PREX1: variants seen among roughly 807,000 people sequenced by gnomAD.
PREX1 encodes phosphatidylinositol 3,4,5-trisphosphate-dependent Rac exchanger 1 protein.
In PREX1, 41 loss-of-function variants were observed where a neutral mutation model predicts 198.3. That is an observed-to-expected ratio of 0.21 (90% CI 0.16 to 0.27). The LOEUF is 0.27. Among genes scored for constraint, PREX1 ranks in the 10% least tolerant of loss-of-function variants. PREX1 has a pLI of 1.00. For missense variants in PREX1, 1,620 were observed against 2,200.7 expected (o/e 0.74, Z 5.28); for synonymous variants, 843 against 887.2 (o/e 0.95, Z 0.89).
chr20:48,672,658 C>T (rs2089683737), intron 14 of PREX1, among the ~76,000 whole-genome samples: 3 of 152,358 alleles, frequency 2.0e-5, no homozygotes, highest in South Asian at 4.1e-4. Flanking sequence ...ATACCTGGCT[C>T]GCTCTGCCTA....
chr20:48,706,628 C>T (rs1038376289), intron 6 of PREX1, among the ~76,000 whole-genome samples: 7 of 152,154 alleles, frequency 4.6e-5, no homozygotes, highest in East Asian at 1.9e-4. Flanking sequence ...CTGGAGCTGC[C>T]GCCTTCATGG....
upstream of PREX1, among the ~76,000 whole-genome samples, chr20:48,829,444 AG>A (rs2090530334): frequency 6.6e-6 from 1 of 152,198 alleles, no homozygotes. Flanking sequence ...CTAAGGACAC[AG>A]GGAGAGAATG....
chr20:48,787,876 AG>A (rs2090320435), intron 1 of PREX1, among the ~76,000 whole-genome samples: 1 of 152,142 alleles, frequency 6.6e-6, no homozygotes, highest in Non-Finnish European at 1.5e-5. Context: ...ATGCTGGAGG[AG>A]GGAAATATGG....
At chr20:48,661,185 G>A (rs1272541878) in intron 15 of PREX1, among the ~76,000 whole-genome samples, 2 of 151,700 alleles carry the variant, frequency 1.3e-5, no homozygotes, top group African/African-American at 2.4e-5. Context: ...TTGAGAGGTC[G>A]AGGCAGGCAG....
chr20:48,729,002 G>C (rs2090021648), intron 4 of PREX1, among the ~76,000 whole-genome samples: 1 of 152,106 alleles, frequency 6.6e-6, no homozygotes, highest in Non-Finnish European at 1.5e-5. Context: ...CCTAATGGCA[G>C]CACGTTCCTG....
At chr20:48,770,500 C>A (rs936153328) in intron 1 of PREX1, among the ~76,000 whole-genome samples, 2 of 152,186 alleles carry the variant, frequency 1.3e-5, no homozygotes, top group Non-Finnish European at 2.9e-5. Context: ...CACCTGAGGT[C>A]AGGAGTTCGA....
rs1389428386 is a variant in PREX1 at position 48,650,066 on chromosome 20, G to A, written c.2958C>T (p.Pro986=). 20 of 1,614,246 alleles carry A rather than the reference G, an allele frequency of 1.2e-5. No homozygotes were observed. Among genetic ancestry groups the A allele is most frequent in the Non-Finnish European group, 1.7e-5 (20 of 1,180,042 alleles). ...LMEVSYPKTT[P]SVGRSFSIRF... ...GGATGCTGAAGGACCTGCCCACTGA[G>A]GGGGTGGTCTTGGGGTAGGACACTT... is the stretch of plus-strand genomic sequence containing the variant. Residue 986 remains proline, a synonymous_variant, in exon 24 of 40, where the codon CCC becomes CCT. Coordinates refer to ENST00000371941, the MANE Select transcript of PREX1 (RefSeq NM_020820.4).
chr20:48,662,120 T>C (rs1006193775), intron 15 of PREX1, among the ~76,000 whole-genome samples: 4 of 152,188 alleles, frequency 2.6e-5, no homozygotes, highest in African/African-American at 9.7e-5. Flanking sequence ...GAACTCTACC[T>C]GTTTGTGAGC....
the PREX1 span, among the ~76,000 whole-genome samples, chr20:48,870,950 CAAAAAAAAAA>C: frequency 1.7e-3 from 1 of 594 alleles, no homozygotes; most frequent in Non-Finnish European, 2.2e-3. Flanking sequence ...GACTCCATCT[CAAAAAAAAAA>C]AAAAAAAAAA....
chr20:48,689,481 T>C (rs969832138), intron 9 of PREX1, among the ~76,000 whole-genome samples: 9 of 152,138 alleles, frequency 5.9e-5, no homozygotes, highest in African/African-American at 2.2e-4. Flanking sequence ...ACCCAGGAAG[T>C]TGGTTCCATA....
chr20:48,747,330 T>C (rs73256485), intron 2 of PREX1, among the ~76,000 whole-genome samples: 1,842 of 152,258 alleles, frequency 0.012, 34 homozygotes, highest in African/African-American at 0.042. Context: ...GATCTCCTCC[T>C]CAAACTCCCC....
At chr20:48,809,116 G>T (rs1279134627) in intron 1 of PREX1, among the ~76,000 whole-genome samples, 2 of 152,218 alleles carry the variant, frequency 1.3e-5, no homozygotes, top group African/African-American at 4.8e-5. Flanking sequence ...ACTGGGCACA[G>T]TTCCTCACAC....
intron 1 of PREX1, among the ~76,000 whole-genome samples, chr20:48,798,662 C>T (rs115299176): frequency 8.5e-5 from 13 of 152,336 alleles, no homozygotes; most frequent in African/African-American, 3.1e-4. Flanking sequence ...AAAGCAGATT[C>T]TGCTGCGGTG....
intron 27 of PREX1, 53 bp from the exon 28 acceptor site, chr20:48,642,542 C>T (rs2089422635): frequency 6.8e-7 from 1 of 1,471,680 alleles, no homozygotes; most frequent in Non-Finnish European, 9.4e-7. Flanking sequence ...CACCTCACAC[C>T]ATCCCCAGCA....
At chr20:48,873,313 G>A in the PREX1 span, among the ~76,000 whole-genome samples, 1 of 152,172 alleles carries the variant, frequency 6.6e-6, no homozygotes, top group African/African-American at 2.4e-5. Flanking sequence ...AGATGGAGAA[G>A]TCCATTCATT....
Position 48,726,343 on chromosome 20 carries a change from C to T in PREX1, c.568G>A (p.Gly190Ser). 6.2e-7 allele frequency: 1 copy of T among 1,613,984 alleles called. No homozygotes were observed. Among genetic ancestry groups the T allele is most frequent in the Middle Eastern group, 1.6e-4 (1 of 6,062 alleles). Residue 190 changes from glycine (G) to serine (S), a missense_variant, in exon 5 of 40, where the codon GGC becomes AGC. This residue lies in a region of PREX1 where 488 missense variants were observed against 802.5 expected (regional missense o/e 0.61). Coordinates refer to ENST00000371941, the MANE Select transcript of PREX1 (RefSeq NM_020820.4). ...CTCTGGATCGGAGACAACAGGTAGC[C>T]TTCCAAAGGGATGTCCGTGGTCTTC... ...GRKTTDIPLE[G>S]YLLSPIQRIC...
chr20:48,656,624 C>T (rs2089545750), intron 18 of PREX1: 1 of 446,338 alleles, frequency 2.2e-6, no homozygotes. Flanking sequence ...TTCGGGTCTT[C>T]ACCCCGACTC....
intron 1 of PREX1, among the ~76,000 whole-genome samples, chr20:48,751,414 C>T (rs956196981): frequency 1.3e-5 from 2 of 152,202 alleles, no homozygotes; most frequent in Non-Finnish European, 2.9e-5. Context: ...GCTCTGCCAC[C>T]GCTATTGTGC....
chr20:48,665,326 G>A (rs573449690), intron 15 of PREX1, among the ~76,000 whole-genome samples: 5 of 149,848 alleles, frequency 3.3e-5, no homozygotes, highest in Admixed American at 1.3e-4. Flanking sequence ...GGTTCCAGAC[G>A]GCCTGAATTC....
Sources: gnomAD v4.1 joint callset for allele counts (sites outside exome capture counted in the v4.1 genomes callset) on GRCh38, gnomAD v4.1.1 for gene constraint, gnomAD v4.1.1 regional missense constraint, MANE v1.5 for transcripts, NCBI Gene and HGNC (gene_info 2026-07-23, HGNC 2026-07-21) for gene names.